Variants in RBMS1 observed in about 807,000 individuals in gnomAD.
RBMS1 encodes the protein RNA binding motif single stranded interacting protein 1, also known as RNA-binding motif, single-stranded-interacting protein 1.
In RBMS1, 17 loss-of-function variants were observed where a neutral mutation model predicts 62.3. That is an observed-to-expected ratio of 0.27 (90% confidence interval 0.19 to 0.41). The LOEUF (loss-of-function observed/expected upper bound fraction) is 0.41, where lower values mean the gene tolerates loss of function less well. Ranked by LOEUF, RBMS1 falls within the 10% of genes least tolerant of loss-of-function variation. The pLI is 1.00. For missense variants in RBMS1, 334 were observed against 504.5 expected, an observed-to-expected ratio of 0.66 and a Z score of 3.24; for synonymous variants, 172 against 170.0, an observed-to-expected ratio of 1.01 and a Z score of -0.09.
In RBMS1 at chr2:160,389,776, C is replaced by T. The variant is rs1447723332; in HGVS notation, c.76-22385G>A. On this transcript the variant is annotated intron_variant, in intron 1 of 13. Coordinates refer to ENST00000348849, the MANE Select transcript of RBMS1 (RefSeq NM_016836.4). Reference sequence around the variant, plus strand: ...ACCAACAATCACATAATGAGGAATCCTTTTATAATGAAAATTACTAGTTTT... The same window carrying T: ...ACCAACAATCACATAATGAGGAATCTTTTTATAATGAAAATTACTAGTTTT... Among the ~76,000 whole-genome samples the T allele has an allele frequency of 1.4e-5, 2 of 145,836 alleles. 1 individual carries two copies. Among genetic ancestry groups the T allele is most frequent in the South Asian group, 4.4e-4 (2 of 4,570 alleles).
At chr2:160,342,775 A>C (rs1229161939) in intron 2 of RBMS1, among the ~76,000 whole-genome samples, 1 of 149,440 alleles carries the variant, frequency 6.7e-6, no homozygotes, top group Non-Finnish European at 1.5e-5. Flanking sequence ...AATACAAAAA[A>C]AAAAAAAAAA....
In RBMS1 at chr2:160,277,931, C is replaced by T. The variant is rs185725090; in HGVS notation, c.1063-548G>A. ...TTGGATATGTGTGGCCCTGGCTTAG[C>T]CTTCACAAGAAACAGCTGTAGGTTT... On this transcript the variant is annotated intron_variant, in intron 11 of 13. Transcript: ENST00000348849. The T allele has an allele frequency of 2.9e-3, 457 of 157,026 alleles. 2 individuals carry two copies. The highest frequency in any genetic ancestry group is 4.5e-3 in the Non-Finnish European group (319 of 70,800). The allele number at this position is 157,026 out of a possible 1,614,324, so 9.7% of individuals were successfully genotyped here.
chr2:160,311,484 C>T (rs879836854), intron 4 of RBMS1, among the ~76,000 whole-genome samples: 5 of 151,722 alleles, frequency 3.3e-5, no homozygotes, highest in East Asian at 3.9e-4. Context: ...GTAACTTATC[C>T]GCTTACCAGA....
chr2:160,435,489 TA>T (rs1683072728), intron 1 of RBMS1, among the ~76,000 whole-genome samples: 1 of 152,206 alleles, frequency 6.6e-6, no homozygotes, highest in African/African-American at 2.4e-5. Flanking sequence ...GAGTATTTAA[TA>T]AAGGAACGAT....
chr2:160,411,613 G>T (rs1393901364), intron 1 of RBMS1, among the ~76,000 whole-genome samples: 1 of 152,212 alleles, frequency 6.6e-6, no homozygotes, highest in Non-Finnish European at 1.5e-5. Context: ...CCATATTTCA[G>T]CTTCCCACTT....
At chr2:160,369,968 C>T (rs1693631792) in intron 1 of RBMS1, among the ~76,000 whole-genome samples, 1 of 152,142 alleles carries the variant, frequency 6.6e-6, no homozygotes, top group African/African-American at 2.4e-5. Flanking sequence ...TCTGAATTTA[C>T]AGAGCCAGTT....
chr2:160,281,854 C>T (rs1688121330), intron 9 of RBMS1: 1 of 176,180 alleles, frequency 5.7e-6, no homozygotes, highest in African/African-American at 2.4e-5. Context: ...ATATCTAGGA[C>T]ATTAATTTTA....
chr2:160,418,328 T>C (rs1214192156), intron 1 of RBMS1, among the ~76,000 whole-genome samples: 2 of 152,188 alleles, frequency 1.3e-5, no homozygotes, highest in African/African-American at 2.4e-5. Context: ...GCCTCACAAA[T>C]TTCCACCCTT....
At chr2:160,381,940 C>T (rs962862284) in intron 1 of RBMS1, among the ~76,000 whole-genome samples, 4 of 152,228 alleles carry the variant, frequency 2.6e-5, no homozygotes, top group South Asian at 2.1e-4. Flanking sequence ...TATGATATTT[C>T]AACTCAACAA....
chr2:160,286,933 C>CT, intron 7 of RBMS1, 36 bp downstream of exon 7: 1 of 1,609,440 alleles, frequency 6.2e-7, no homozygotes, highest in East Asian at 2.2e-5. Context: ...ATCACACCCC[C>CT]TCCCCCACCC....
chr2:160,362,484 G>T (rs934343518), intron 2 of RBMS1, among the ~76,000 whole-genome samples: 1 of 152,170 alleles, frequency 6.6e-6, no homozygotes, highest in African/African-American at 2.4e-5. Context: ...ATATCTCAGA[G>T]AAAAATGGAG....
chr2:160,313,004 T>C (rs1690013647), intron 4 of RBMS1, 152 bp downstream of exon 4: 2 of 580,204 alleles, frequency 3.4e-6, no homozygotes, highest in Non-Finnish European at 3.1e-6. Context: ...ATAGTGACTG[T>C]GGAGGCTGCG....
At chr2:160,431,313 T>C (rs1439017682) in intron 1 of RBMS1, among the ~76,000 whole-genome samples, 1 of 151,678 alleles carries the variant, frequency 6.6e-6, no homozygotes, top group Non-Finnish European at 1.5e-5. Flanking sequence ...CGAATCAACC[T>C]ACTAGCCAGA....
chr2:160,410,876 T>G (rs1696002240), intron 1 of RBMS1, among the ~76,000 whole-genome samples: 1 of 152,208 alleles, frequency 6.6e-6, no homozygotes, highest in African/African-American at 2.4e-5. Flanking sequence ...CCCGAGTAGC[T>G]GGGACTACAG....
At chr2:160,286,278 C>A (rs1331602667) in intron 7 of RBMS1, among the ~76,000 whole-genome samples, 2 of 141,488 alleles carry the variant, frequency 1.4e-5, no homozygotes, top group Non-Finnish European at 3.1e-5. Context: ...CCAGCCTGGG[C>A]AACAGAGACC....
intron 1 of RBMS1, among the ~76,000 whole-genome samples, chr2:160,458,162 C>T (rs1684322113): frequency 6.6e-6 from 1 of 152,048 alleles, no homozygotes; most frequent in African/African-American, 2.4e-5. Context: ...TAGAATCTCA[C>T]TTTGTTGCCC....
rs1183374498 is a variant in RBMS1, at chr2:160,285,050, G to A, written c.757-6C>T. ...TAAGTAAGTGTCATTCCAGCCTATG[G>A]GAAAGAGAAAGAAATATAAACATTC... On this transcript the variant is annotated splice_region_variant and splice_polypyrimidine_tract_variant and intron_variant, in intron 7 of 13. Coordinates refer to ENST00000348849, the MANE Select transcript of RBMS1 (RefSeq NM_016836.4). The A allele has an allele frequency of 1.2e-6, 2 of 1,610,046 alleles. No individual in the cohort carries two copies. The highest frequency in any genetic ancestry group is 2.2e-5 in the South Asian group (2 of 90,940).
intron 1 of RBMS1, among the ~76,000 whole-genome samples, chr2:160,484,368 G>A (rs1346315618): frequency 5.3e-5 from 8 of 151,566 alleles, no homozygotes; most frequent in African/African-American, 1.5e-4. Context: ...GGTGGCGGGC[G>A]CCTGTAGTCC....
At chr2:160,287,120 T>G in intron 6 of RBMS1, 36 bp from the exon 7 acceptor site, 1 of 1,610,126 alleles carries the variant, frequency 6.2e-7, no homozygotes, top group South Asian at 1.1e-5. Flanking sequence ...GAAACCACAA[T>G]GATACGTGTA....
Sources: allele counts gnomAD v4.1 joint callset (sites outside exome capture counted in the v4.1 genomes callset), GRCh38; gene constraint gnomAD v4.1.1; transcripts MANE v1.5; gene names NCBI Gene and HGNC (gene_info 2026-07-23, HGNC 2026-07-21).